TEX29: variants seen among roughly 807,000 people sequenced by gnomAD.
The protein encoded by TEX29 is testis-expressed protein 29.
A neutral mutation model predicts 18.2 loss-of-function variants in TEX29; 26 were observed. The observed-to-expected ratio is 1.43, with a 90% CI of 1.04 to 1.98. The LOEUF is 1.98. Ranked by LOEUF, TEX29 falls within the 30% of genes most tolerant of loss-of-function variation. TEX29 has a pLI of 0.00. For missense variants in TEX29, 177 were observed against 194.2 expected (o/e 0.91, Z 0.53); for synonymous variants, 83 against 78.5 (o/e 1.06, Z -0.31).
chr13:111,322,712 C>T (rs925049596), intron 2 of TEX29, among the ~76,000 whole-genome samples: 4 of 152,216 alleles, frequency 2.6e-5, no homozygotes, highest in Admixed American at 1.3e-4. Context: ...AGCCTGTCCT[C>T]GTGAACTGAA....
intron 3 of TEX29, among the ~76,000 whole-genome samples, chr13:111,336,911 T>G (rs968864357): frequency 1.3e-5 from 2 of 152,194 alleles, no homozygotes; most frequent in Non-Finnish European, 1.5e-5. Context: ...ATACGGGAGA[T>G]GTACTGACGG....
chr13:111,320,874 A>C lies in TEX29; in HGVS notation c.-17A>C, dbSNP rs1206330297. The C allele has an allele frequency of 3.1e-6, 5 of 1,610,522 alleles. No homozygotes were observed. The highest frequency in any genetic ancestry group is 4.2e-6 in the Non-Finnish European group (5 of 1,178,302). ...TTTTCCAGGTGTGCTCGGCCCCTTC[A>C]TCTGTCAGCTGCAGCAATGGAATAC... On this transcript the variant is annotated 5_prime_UTR_variant, in exon 2 of 6. Transcript: ENST00000283547.
chr13:111,324,135 G>A (rs3949809), intron 2 of TEX29, among the ~76,000 whole-genome samples: 22,994 of 152,180 alleles, frequency 0.15, 2,923 homozygotes, highest in East Asian at 0.7. Flanking sequence ...CGTGACCGCA[G>A]GCACGTCTCT....
In TEX29 at chr13:111,328,190, C is replaced by T. The variant is rs1359428; in HGVS notation, c.66C>T (p.Asp22=). 0.51 allele frequency: 814,398 copies of T among 1,604,730 alleles called. 213,721 individuals are homozygous for T. The highest frequency in any genetic ancestry group is 0.79 in the East Asian group (35,324 of 44,794). ...RHLLKQFTVC[D]VPLYDICDYN... is the part of the protein sequence containing the mutation. ...ATGTCTGTGCTTTTGCAGTGTGTGA[C>T]GTTCCTCTGTATGACATTTGTGACT... The change falls in exon 3 of 6, where the codon GAC becomes GAT. Residue 22 remains aspartate, a synonymous_variant. Transcript: ENST00000283547.
At chr13:111,342,110 G>A (rs1484197554) in intron 4 of TEX29, among the ~76,000 whole-genome samples, 2 of 152,182 alleles carry the variant, frequency 1.3e-5, no homozygotes, top group Non-Finnish European at 2.9e-5. Flanking sequence ...GAAGCAGGTG[G>A]CTATTCCCAG....
chr13:111,338,075 G>A (rs1270995067), intron 3 of TEX29, among the ~76,000 whole-genome samples: 4 of 151,998 alleles, frequency 2.6e-5, no homozygotes, highest in Non-Finnish European at 2.9e-5. Context: ...GGATCCCTTC[G>A]GAAGCTGGCT....
upstream of TEX29, among the ~76,000 whole-genome samples, chr13:111,317,329 G>A (rs554122056): frequency 3.9e-5 from 6 of 152,198 alleles, no homozygotes; most frequent in South Asian, 8.3e-4. Context: ...ATGCTGTGGC[G>A]AAGGATTTGG....
chr13:111,326,003 C>A (rs112265362), intron 2 of TEX29, among the ~76,000 whole-genome samples: 4 of 152,326 alleles, frequency 2.6e-5, no homozygotes, highest in South Asian at 2.1e-4. Context: ...CTTCTCCTCC[C>A]GTGTCTGGGG....
chr13:111,343,001 CCT>C, intron 5 of TEX29, 70 bp downstream of exon 5: 2 of 1,546,512 alleles, frequency 1.3e-6, no homozygotes, highest in South Asian at 1.2e-5. Context: ...GGAGACCTTC[CCT>C]GGGAAGGGGC....
intron 5 of TEX29, 120 bp downstream of exon 5, chr13:111,343,051 T>C (rs938128234): frequency 1.7e-6 from 2 of 1,194,974 alleles, no homozygotes; most frequent in Non-Finnish European, 2.3e-6. Flanking sequence ...CAGTGATCAG[T>C]GTTGCAGTTT....
chr13:111,331,987 T>C (rs1201527080), intron 3 of TEX29, among the ~76,000 whole-genome samples: 1 of 152,194 alleles, frequency 6.6e-6, no homozygotes, highest in African/African-American at 2.4e-5. Context: ...AATGTGTGAG[T>C]GCTTCAACTT....
At chr13:111,320,974 C>CGGGGG in intron 2 of TEX29, 26 bp downstream of exon 2, 7 of 165,072 alleles carry the variant, frequency 4.2e-5, no homozygotes, top group South Asian at 1.7e-4. Flanking sequence ...GCCAGGGGGG[C>CGGGGG]GGGTGGGGTG....
chr13:111,321,647 G>A (rs1351361120), intron 2 of TEX29, among the ~76,000 whole-genome samples: 3 of 151,876 alleles, frequency 2.0e-5, no homozygotes, highest in South Asian at 2.1e-4. Context: ...CAAGAAAATC[G>A]GATGGGCGTG....
At chr13:111,319,621 A>C (rs1442788237), upstream of TEX29, among the ~76,000 whole-genome samples, 1 of 151,746 alleles carries the variant, frequency 6.6e-6, no homozygotes, top group Non-Finnish European at 1.5e-5. Context: ...GCCGTCCGCC[A>C]CTCTTATTAA....
At chr13:111,342,676 T>A in intron 4 of TEX29, 80 bp from the exon 5 acceptor site, 1 of 1,412,906 alleles carries the variant, frequency 7.1e-7, no homozygotes, top group Non-Finnish European at 9.7e-7. Flanking sequence ...CAGAGGGATG[T>A]CCTGGTGGGT....
chr13:111,335,825 C>A (rs7338099), intron 3 of TEX29, among the ~76,000 whole-genome samples: 32,716 of 152,186 alleles, frequency 0.21, 4,510 homozygotes, highest in Non-Finnish European at 0.3. Flanking sequence ...ATGCATCACT[C>A]CAGGAAGATC....
chr13:111,321,207 G>A (rs895667125), intron 2 of TEX29, among the ~76,000 whole-genome samples: 2 of 152,222 alleles, frequency 1.3e-5, no homozygotes, highest in African/African-American at 4.8e-5. Context: ...TATTTCCAGG[G>A]CTTTAACAGG....
chr13:111,323,752 A>G (rs149802912), intron 2 of TEX29, among the ~76,000 whole-genome samples: 1 of 151,838 alleles, frequency 6.6e-6, no homozygotes, highest in Non-Finnish European at 1.5e-5. Flanking sequence ...CACGCCCCAG[A>G]TCCCCATCCG....
rs544266677 is a variant in TEX29 at position 111,336,950 on chromosome 13, G to T, written c.170-2913G>T. ...AATACTAAGACGCTGACTAATATGT[G>T]TGTCTCTTTAACAGGACTTCACTCA... On this transcript the variant is annotated intron_variant, in intron 3 of 5. Coordinates refer to ENST00000283547, the MANE Select transcript of TEX29 (RefSeq NM_152324.3). Among the ~76,000 whole-genome samples, 5 of 152,302 alleles carry T rather than the reference G, an allele frequency of 3.3e-5. No individual in the cohort carries two copies. The East Asian group carries it at 9.6e-4, about 29-fold the overall frequency.
Sources: allele counts gnomAD v4.1 joint callset (sites outside exome capture counted in the v4.1 genomes callset), GRCh38; gene constraint gnomAD v4.1.1; transcripts MANE v1.5; gene names NCBI Gene and HGNC (gene_info 2026-07-23, HGNC 2026-07-21).